Variants in ITGA8 observed in about 807,000 individuals in gnomAD.
The protein encoded by ITGA8 is integrin alpha-8.
In ITGA8, 91 loss-of-function variants were observed where a neutral mutation model predicts 142.3. That is an observed-to-expected ratio of 0.64 (90% CI 0.54 to 0.76). ITGA8 has a LOEUF of 0.76. ITGA8 is among the 30% of genes least tolerant of loss of function. The pLI is 0.00. For synonymous variants in ITGA8, 505 were observed against 485.2 expected (o/e 1.04, Z -0.54); for missense variants, 1,406 against 1,327.7 (o/e 1.06, Z -0.92).
chr10:15,538,305 G>A (rs4433475), intron 27 of ITGA8, among the ~76,000 whole-genome samples: 20,035 of 152,072 alleles, frequency 0.13, 1,450 homozygotes, highest in Middle Eastern at 0.19. Context: ...CTGAGGTCAG[G>A]AGTTCAAGAC....
At chr10:15,559,300 G>T (rs115757218) in intron 25 of ITGA8, among the ~76,000 whole-genome samples, 2,762 of 152,288 alleles carry the variant, frequency 0.018, 77 homozygotes, top group African/African-American at 0.063. Context: ...CGTTCCCGAT[G>T]GCCCCAGGTA....
intron 8 of ITGA8, among the ~76,000 whole-genome samples, chr10:15,670,376 G>A (rs1176594217): frequency 3.9e-5 from 6 of 152,160 alleles, no homozygotes; most frequent in Non-Finnish European, 8.8e-5. Context: ...ATTTAAAGAT[G>A]AGCAAATAAG....
At chr10:15,578,590 T>C (rs1280861106) in intron 23 of ITGA8, among the ~76,000 whole-genome samples, 3 of 152,116 alleles carry the variant, frequency 2.0e-5, no homozygotes, top group African/African-American at 7.2e-5. Context: ...GATTTGGTAG[T>C]GTGCTGTGAA....
chr10:15,526,295 G>C (rs1029613628), intron 28 of ITGA8, among the ~76,000 whole-genome samples: 1 of 151,912 alleles, frequency 6.6e-6, no homozygotes, highest in Non-Finnish European at 1.5e-5. Flanking sequence ...TCTTGCCTCA[G>C]CCTCCCGAGT....
intron 13 of ITGA8, among the ~76,000 whole-genome samples, chr10:15,625,135 T>G (rs1271112773): frequency 6.6e-6 from 1 of 152,124 alleles, no homozygotes; most frequent in Non-Finnish European, 1.5e-5. Flanking sequence ...TAACAATCTG[T>G]CTGAAATGCT....
intron 23 of ITGA8, among the ~76,000 whole-genome samples, chr10:15,586,380 T>C (rs1424543706): frequency 2.0e-5 from 3 of 152,070 alleles, no homozygotes; most frequent in Non-Finnish European, 4.4e-5. Context: ...CTTGTTTTGA[T>C]ATTCTTGGAG....
At chr10:15,689,278 A>G (rs1834888937) in intron 2 of ITGA8, among the ~76,000 whole-genome samples, 1 of 152,210 alleles carries the variant, frequency 6.6e-6, no homozygotes, top group African/African-American at 2.4e-5. Flanking sequence ...GACCAAAACA[A>G]TAACAGACAA....
intron 10 of ITGA8, 109 bp from the exon 11 acceptor site, chr10:15,655,515 G>A: frequency 1.3e-6 from 1 of 781,482 alleles, no homozygotes; most frequent in Non-Finnish European, 2.2e-6. Flanking sequence ...TTTTTGCATT[G>A]AAATTCATAG....
At chr10:15,717,564 T>C (rs1364080550) in intron 2 of ITGA8, among the ~76,000 whole-genome samples, 1 of 152,162 alleles carries the variant, frequency 6.6e-6, no homozygotes, top group Non-Finnish European at 1.5e-5. Flanking sequence ...AGTAAAAGCT[T>C]ATAAAAACTG....
intron 22 of ITGA8, among the ~76,000 whole-genome samples, chr10:15,591,750 G>C (rs541523167): frequency 3.3e-5 from 5 of 152,300 alleles, no homozygotes; most frequent in African/African-American, 1.2e-4. Flanking sequence ...CCTCAAAATG[G>C]AGTATCTCAC....
chr10:15,654,608 T>A (rs2131664364), intron 11 of ITGA8, among the ~76,000 whole-genome samples: 1 of 152,314 alleles, frequency 6.6e-6, no homozygotes, highest in South Asian at 2.1e-4. Context: ...ACAAAGTAAG[T>A]ATTCTTCAGA....
At chr10:15,580,887 C>G (rs1207028725) in intron 23 of ITGA8, among the ~76,000 whole-genome samples, 1 of 152,134 alleles carries the variant, frequency 6.6e-6, no homozygotes, top group Non-Finnish European at 1.5e-5. Context: ...TCTCTTTTTA[C>G]CGCTTCTATT....
chr10:15,696,301 A>G (rs1049474000), intron 2 of ITGA8, among the ~76,000 whole-genome samples: 6 of 152,234 alleles, frequency 3.9e-5, no homozygotes, highest in African/African-American at 9.6e-5. Context: ...ACTGCATACA[A>G]TGTCAAGTTT....
intron 28 of ITGA8, among the ~76,000 whole-genome samples, chr10:15,526,748 TTATTA>T (rs1341173975): frequency 6.6e-6 from 1 of 152,220 alleles, no homozygotes; most frequent in African/African-American, 2.4e-5. Context: ...ACAAATCACT[TTATTA>T]TAATTGTCTG....
chr10:15,519,401 T>A lies in ITGA8; in HGVS notation c.2994A>T (p.Ser998=), dbSNP rs1352560440. 1.4e-5 allele frequency: 23 copies of A among 1,613,472 alleles called. No homozygotes were observed. The Admixed American group carries it at 3.2e-4, about 22-fold the overall frequency. ...LPEGSIVIKT[S]VIWATPNVSF... is the part of the protein sequence containing the mutation. Reference sequence around the variant, plus strand: ...AAACATTCGGAGTTGCCCAAATAACTGATGTCTTAATCTGAAATGGAAAAC... The same window carrying A: ...AAACATTCGGAGTTGCCCAAATAACAGATGTCTTAATCTGAAATGGAAAAC... The change falls in exon 29 of 30, where the codon TCA becomes TCT. Residue 998 remains serine (S), a synonymous_variant. Coordinates refer to ENST00000378076, the MANE Select transcript of ITGA8 (RefSeq NM_003638.3).
Position 15,548,534 on chromosome 10 carries a change from C to A in ITGA8, c.2801G>T (p.Cys934Phe). 1 of 1,609,252 alleles carries A rather than the reference C, an allele frequency of 6.2e-7. No homozygotes were observed. Among genetic ancestry groups the A allele is most frequent in the Non-Finnish European group, 8.5e-7 (1 of 1,178,566 alleles). Residue 934 changes from cysteine (C) to phenylalanine (F), a missense_variant, in exon 27 of 30, where the codon TGT becomes TTT. Cys to Phe is a radical substitution (Grantham distance 205, BLOSUM62 -2). Coordinates refer to ENST00000378076, the MANE Select transcript of ITGA8 (RefSeq NM_003638.3). ...CTNIECLQIS[C>F]AVGRLEGGES... The stretch of plus-strand genomic sequence containing the variant: ...TCCTCCTTCGAGTCGTCCCACTGCA[C>A]AGGAGATTTGTAAACACTCGATATT...
At chr10:15,577,642 C>A (rs1834325149) in intron 23 of ITGA8, among the ~76,000 whole-genome samples, 1 of 151,902 alleles carries the variant, frequency 6.6e-6, no homozygotes, top group Non-Finnish European at 1.5e-5. Context: ...TCCAGGGAAA[C>A]CATGGTAAAC....
At chr10:15,680,241 T>A (rs1834711085) in intron 4 of ITGA8, among the ~76,000 whole-genome samples, 1 of 144,380 alleles carries the variant, frequency 6.9e-6, no homozygotes, top group Non-Finnish European at 1.5e-5. Context: ...TTTTTTTTTT[T>A]TTTTGAGATG....
intron 28 of ITGA8, among the ~76,000 whole-genome samples, chr10:15,528,922 T>C (rs1330515714): frequency 6.6e-6 from 1 of 152,180 alleles, no homozygotes; most frequent in Non-Finnish European, 1.5e-5. Flanking sequence ...ATATTTTAAC[T>C]GTGCACATCT....
Sources: gnomAD v4.1 joint callset for allele counts (sites outside exome capture counted in the v4.1 genomes callset) on GRCh38, gnomAD v4.1.1 for gene constraint, MANE v1.5 for transcripts, NCBI Gene and HGNC (gene_info 2026-07-23, HGNC 2026-07-21) for gene names.